AIFM2: variants seen among roughly 807,000 people sequenced by gnomAD.
AIFM2 encodes the protein ferroptosis suppressor protein 1.
AIFM2 carries 38 observed loss-of-function variants against 35.7 expected under a neutral mutation model. That is an observed-to-expected ratio of 1.06 (90% CI 0.82 to 1.39). The LOEUF (loss-of-function observed/expected upper bound fraction) is 1.39, where lower values mean the gene tolerates loss of function less well. Ranked by LOEUF, AIFM2 falls within the 40% of genes most tolerant of loss-of-function variation. The pLI is 0.00. For synonymous variants in AIFM2, 185 were observed against 203.5 expected (o/e 0.91, Z 0.77); for missense variants, 476 against 491.2 (o/e 0.97, Z 0.29).
intron 5 of AIFM2, among the ~76,000 whole-genome samples, chr10:70,120,026 C>A (rs1193116596): frequency 1.3e-5 from 2 of 152,256 alleles, no homozygotes; most frequent in Non-Finnish European, 2.9e-5. Flanking sequence ...AGGCTCCCCA[C>A]CACCATGGGG....
intron 1 of AIFM2, among the ~76,000 whole-genome samples, chr10:70,125,647 A>T (rs1385359539): frequency 6.6e-6 from 1 of 150,744 alleles, no homozygotes; most frequent in Non-Finnish European, 1.5e-5. Flanking sequence ...AATAATAAAT[A>T]TTGGTAGAGA....
At chr10:70,121,505 G>C (rs2072506045) in intron 3 of AIFM2, among the ~76,000 whole-genome samples, 1 of 152,090 alleles carries the variant, frequency 6.6e-6, no homozygotes, top group African/African-American at 2.4e-5. Context: ...TGGGAGGGGT[G>C]CCTGGAAGCA....
At chr10:70,129,402 G>A (rs528937409) in intron 1 of AIFM2, among the ~76,000 whole-genome samples, 3 of 151,888 alleles carry the variant, frequency 2.0e-5, no homozygotes, top group Non-Finnish European at 4.4e-5. Flanking sequence ...AGTTTGCCCA[G>A]TCCCAAAAAG....
chr10:70,131,019 G>T lies in AIFM2; in HGVS notation c.-14+1715C>A, dbSNP rs571575054. 2.4e-4 allele frequency among the ~76,000 whole-genome samples: 37 copies of T among 152,230 alleles called. No individual in the cohort carries two copies. The highest frequency in any genetic ancestry group is 4.0e-4 in the Non-Finnish European group (27 of 68,022). ...AAGAGCATCCACCCTGATCTCAAGG[G>T]TATTATTCCACAATAAGCAGCCCAT... On this transcript the variant is annotated intron_variant, in intron 1 of 8. Transcript: ENST00000307864. This position sits in a 1 kb window ranked among gnomAD's most constrained non-coding sequence, Gnocchi z 4.1.
Position 70,114,065 on chromosome 10 carries a change from G to T in AIFM2, c.*113C>A. 1 of 1,338,426 alleles carries T rather than the reference G, an allele frequency of 7.5e-7. No individual in the cohort carries two copies. The highest frequency in any genetic ancestry group is 1.0e-6 in the Non-Finnish European group (1 of 998,160). The allele number at this position is 1,338,426 out of a possible 1,614,324, so 82.9% of individuals were successfully genotyped here. Reference sequence around the variant, plus strand: ...TTGCATTTCTAGCCACCACATCATTGGCATCTTATTCCAGAAGAATAGCAT... The same window carrying T: ...TTGCATTTCTAGCCACCACATCATTTGCATCTTATTCCAGAAGAATAGCAT... On this transcript the variant is annotated 3_prime_UTR_variant, in exon 9 of 9. Transcript: ENST00000307864.
rs201654162 is a variant in AIFM2, at chr10:70,117,878, G to A, written c.550C>T (p.Leu184Phe). The part of the protein sequence containing the change: ...HSQVALADKE[L>F]LPSVRQEVKE... ...ACTTCCTGCCGGACGGAGGGCAGGA[G>A]CTCCTTGTCAGCCAGGGCCACTTGG... Residue 184 changes from leucine to phenylalanine, a missense_variant, in exon 6 of 9, where the codon CTC (leucine) becomes TTC (phenylalanine). Physicochemically the swap from Leu to Phe is conservative, Grantham distance 22. Coordinates refer to ENST00000307864, the MANE Select transcript of AIFM2 (RefSeq NM_032797.6). The surrounding 1 kb of genome is among the most constrained non-coding windows in gnomAD (Gnocchi z 4.7). The A allele has an allele frequency of 1.2e-6, 2 of 1,607,250 alleles. No homozygotes were observed. Among genetic ancestry groups the A allele is most frequent in the East Asian group, 2.3e-5 (1 of 44,124 alleles).
Position 70,123,413 on chromosome 10 carries a change from C to A in AIFM2, c.286G>T (p.Gly96Cys), listed in dbSNP as rs777770075. 27 of 1,614,102 alleles carry A rather than the reference C, an allele frequency of 1.7e-5. No homozygotes were observed. Among genetic ancestry groups the A allele is most frequent in the Non-Finnish European group, 2.1e-5 (25 of 1,179,972 alleles). The change falls in exon 3 of 9, where the codon GGT becomes TGT. Residue 96 changes from glycine (G) to cysteine (C), a missense_variant. Gly to Cys is a radical substitution (Grantham distance 159, BLOSUM62 -3). Coordinates refer to ENST00000307864, the MANE Select transcript of AIFM2 (RefSeq NM_032797.6). ...GGCTGGCCCTCACTCACCTCGCCAC[C>A]CTGCAGCAGCACCATCTGGTTCTTC... ...DLKNQMVLLQ[G>C]GEALPFSHLI...
intron 6 of AIFM2, among the ~76,000 whole-genome samples, 192 bp from the exon 7 acceptor site, chr10:70,116,966 C>A (rs2072444079): frequency 6.6e-6 from 1 of 152,214 alleles, no homozygotes; most frequent in African/African-American, 2.4e-5. Context: ...GGACATCTGG[C>A]CCCGAGGGGT....
At position 70,114,817 on chromosome 10, in the gene AIFM2, G is replaced by T. The variant is rs1305149007; in HGVS notation, c.970+103C>A. 7 of 1,350,864 alleles carry T rather than the reference G, an allele frequency of 5.2e-6. No homozygotes were observed. The African/African-American group carries it at 1.0e-4, about 20-fold the overall frequency. The allele number at this position is 1,350,864 out of a possible 1,614,324, so 83.7% of individuals were successfully genotyped here. ...AGGGGATGTTTCCATCACCAGCTTG[G>T]AGAGTTTGTTCTAGTGGCCAGGTAT... On this transcript the variant is annotated intron_variant, in intron 8 of 8. Coordinates refer to ENST00000307864, the MANE Select transcript of AIFM2 (RefSeq NM_032797.6).
intron 7 of AIFM2, among the ~76,000 whole-genome samples, chr10:70,115,615 A>G (rs138783642): frequency 6.6e-6 from 1 of 152,242 alleles, no homozygotes; most frequent in East Asian, 1.9e-4. Context: ...AAAATAGAAA[A>G]ATTAGCCGGG....
intron 1 of AIFM2, among the ~76,000 whole-genome samples, chr10:70,129,889 T>TA (rs151315683): frequency 0.54 from 80,388 of 149,244 alleles, 22,709 homozygotes; most frequent in East Asian, 0.78. Flanking sequence ...CCCCATCTTT[T>TA]AAAAAAAAAA....
At position 70,114,943 on chromosome 10, in the gene AIFM2, C is replaced by G. The variant is rs750119679; in HGVS notation, c.947G>C (p.Arg316Pro). The G allele has an allele frequency of 6.2e-7, 1 of 1,613,964 alleles. No homozygotes were observed. Among genetic ancestry groups the G allele is most frequent in the African/African-American group, 1.3e-5 (1 of 74,934 alleles). Residue 316 changes from arginine (R) to proline (P), a missense_variant, in exon 8 of 9, where the codon CGG becomes CCG. Transcript: ENST00000307864. ...ACCCGGCTTGTAGGCCTGGAGAGGC[C>G]GCTGCTTCACAGAGTTGACGATGTT... Reference protein sequence around the residue: ...VANIVNSVKQRPLQAYKPGAL... With the variant: ...VANIVNSVKQPPLQAYKPGAL...
chr10:70,132,243 C>A (rs1312940141), intron 1 of AIFM2, among the ~76,000 whole-genome samples: 1 of 152,208 alleles, frequency 6.6e-6, no homozygotes, highest in Non-Finnish European at 1.5e-5. Flanking sequence ...CTGCACCCCC[C>A]AGCTCCCCCG....
In AIFM2 at chr10:70,123,425, C is replaced by T. The variant is rs1176576502; in HGVS notation, c.274G>A (p.Val92Met). 1 of 1,614,180 alleles carries T rather than the reference C, an allele frequency of 6.2e-7. No individual in the cohort carries two copies. The change falls in exon 3 of 9, where the codon GTG becomes ATG. Residue 92 changes from valine (V) to methionine (M), a missense_variant. By Grantham distance (21) the Val-to-Met change is conservative (BLOSUM62 1). Transcript: ENST00000307864. ...CTCACCTCGCCACCCTGCAGCAGCA[C>T]CATCTGGTTCTTCAGGTCTATCCCC... ...VVGIDLKNQM[V>M]LLQGGEALPF...
At chr10:70,121,029 G>A in intron 4 of AIFM2, 63 bp downstream of exon 4, 2 of 1,570,860 alleles carry the variant, frequency 1.3e-6, no homozygotes, top group South Asian at 2.3e-5. Context: ...TGCAGGCCTA[G>A]GCATCCCCAA....
rs1360934858 is a variant in AIFM2 at position 70,112,563 on chromosome 10, C to CTT, written c.*1613_*1614dup. On this transcript the variant is annotated 3_prime_UTR_variant, in exon 9 of 9. Coordinates refer to ENST00000307864, the MANE Select transcript of AIFM2 (RefSeq NM_032797.6). ...TCCTCCAATAGAGGCACACGACTCA[C>CTT]TTAGGCCTGGGCGACAGCCCCAACG... is the stretch of plus-strand genomic sequence containing the variant. 2 of 152,280 alleles carry CTT rather than the reference C, an allele frequency of 1.3e-5. No individual in the cohort carries two copies. The highest frequency in any genetic ancestry group is 1.9e-4 in the East Asian group (1 of 5,180). The allele number at this position is 152,280 out of a possible 1,614,324, so 9.4% of individuals were successfully genotyped here.
chr10:70,127,091 C>T (rs1401878164), intron 1 of AIFM2, among the ~76,000 whole-genome samples: 1 of 152,232 alleles, frequency 6.6e-6, no homozygotes, highest in Non-Finnish European at 1.5e-5. Context: ...TAGCAGTGCA[C>T]ACCAGGAGCT....
chr10:70,116,481 A>G (rs908562252), intron 7 of AIFM2, 141 bp downstream of exon 7: 7 of 1,149,166 alleles, frequency 6.1e-6, no homozygotes, highest in Non-Finnish European at 7.6e-6. Context: ...GTGGACCCTC[A>G]CTGAATTTAA....
At chr10:70,127,943 G>A (rs1426319795) in intron 1 of AIFM2, among the ~76,000 whole-genome samples, 1 of 152,216 alleles carries the variant, frequency 6.6e-6, no homozygotes, top group East Asian at 1.9e-4. Flanking sequence ...GAATAGGGAG[G>A]CCAGTGACTC....
Sources: allele counts gnomAD v4.1 joint callset (sites outside exome capture counted in the v4.1 genomes callset), GRCh38; gene constraint gnomAD v4.1.1; non-coding constraint Gnocchi (gnomAD v3.1); transcripts MANE v1.5; gene names NCBI Gene and HGNC (gene_info 2026-07-23, HGNC 2026-07-21).